Variants in ARAP1 observed in about 807,000 individuals in gnomAD.
ARAP1 encodes the protein ArfGAP with RhoGAP domain, ankyrin repeat and PH domain 1.
ARAP1 carries 76 observed loss-of-function variants against 172.2 expected under a neutral mutation model. The ratio of observed to expected loss-of-function variants is 0.44; its 90% CI spans 0.37 to 0.53. The LOEUF (loss-of-function observed/expected upper bound fraction) is 0.53. ARAP1 is among the 20% of genes least tolerant of loss of function. ARAP1 has a pLI of 0.00. For synonymous variants in ARAP1, 804 were observed against 803.3 expected, an observed-to-expected ratio of 1.00 and a Z score of -0.01; for missense variants, 1,686 against 1,977.5, an observed-to-expected ratio of 0.85 and a Z score of 2.80.
Position 72,693,582 on chromosome 11 carries a change from C to T in ARAP1, c.3808+110G>A. On this transcript the variant is annotated intron_variant, in intron 28 of 34. Coordinates refer to ENST00000393609, the MANE Select transcript of ARAP1 (RefSeq NM_001040118.3). This position sits in a 1 kb window ranked among gnomAD's most constrained non-coding sequence, Gnocchi z 4.6. Reference sequence around the variant, plus strand: ...CCCCAGCCTCTCCATAGAGGCCCACCCACTTGGCGCCCTCTGTCTGAGCTG... The same window carrying T: ...CCCCAGCCTCTCCATAGAGGCCCACTCACTTGGCGCCCTCTGTCTGAGCTG... 6.5e-7 allele frequency: 1 copy of T among 1,530,742 alleles called. No homozygotes were observed. Among genetic ancestry groups the T allele is most frequent in the Non-Finnish European group, 8.8e-7 (1 of 1,132,606 alleles). 94.8% of individuals were successfully genotyped at this position (1,530,742 alleles called of 1,614,324 possible).
At chr11:72,731,812 A>C (rs1202250434) in intron 2 of ARAP1, among the ~76,000 whole-genome samples, 3 of 152,186 alleles carry the variant, frequency 2.0e-5, no homozygotes, top group African/African-American at 7.2e-5. Context: ...CAACATATAA[A>C]GATGTCAGTT....
intron 1 of ARAP1, among the ~76,000 whole-genome samples, chr11:72,739,443 G>C (rs1858136622): frequency 6.6e-6 from 1 of 152,118 alleles, no homozygotes; most frequent in Admixed American, 6.5e-5. Flanking sequence ...GGAATGAAGA[G>C]CTGCCTCAGC....
intron 30 of ARAP1, among the ~76,000 whole-genome samples, chr11:72,690,225 C>G (rs1205362068): frequency 6.6e-6 from 1 of 152,112 alleles, no homozygotes; most frequent in Non-Finnish European, 1.5e-5. Flanking sequence ...CCCAGTCAGG[C>G]GCAGAGGCAA....
rs1857644514 is a variant in ARAP1, at chr11:72,725,060, G to A, written c.509+1560C>T. The stretch of plus-strand genomic sequence containing the variant: ...TGGAGGACCACAGAGGGCACCTGAT[G>A]GGGAAACAGGCCCAGAGAAGCAGGT... On this transcript the variant is annotated intron_variant, in intron 3 of 34. Coordinates refer to ENST00000393609, the MANE Select transcript of ARAP1 (RefSeq NM_001040118.3). This position sits in a 1 kb window ranked among gnomAD's most constrained non-coding sequence, Gnocchi z 4.3. 6.6e-6 allele frequency among the ~76,000 whole-genome samples: 1 copy of A among 152,140 alleles called. No homozygotes were observed. Among genetic ancestry groups the A allele is most frequent in the South Asian group, 2.1e-4 (1 of 4,830 alleles).
Position 72,714,151 on chromosome 11 carries a change from C to A in ARAP1, c.679+1G>T. On this transcript the variant is annotated splice_donor_variant, in intron 4 of 34. Coordinates refer to ENST00000393609, the MANE Select transcript of ARAP1 (RefSeq NM_001040118.3). LOFTEE classifies it high-confidence loss of function. ...CCCCATCTCCTGGCTGCAGCACTCA[C>A]CGAACTCTGGGAACAGGCGTACCGG... The A allele has an allele frequency of 6.8e-7, 1 of 1,478,944 alleles. No individual in the cohort carries two copies. The highest frequency in any genetic ancestry group is 8.9e-7 in the Non-Finnish European group (1 of 1,120,276). 91.6% of individuals were successfully genotyped at this position (1,478,944 alleles called of 1,614,324 possible).
In ARAP1 at chr11:72,686,055, G is replaced by T; in HGVS notation, c.4322C>A (p.Ala1441Glu). The T allele has an allele frequency of 1.2e-6, 2 of 1,614,066 alleles. No individual in the cohort carries two copies. The highest frequency in any genetic ancestry group is 1.7e-6 in the Non-Finnish European group (2 of 1,180,038). Residue 1441 changes from alanine to glutamate, a missense_variant, in exon 34 of 35, where the codon GCG (alanine) becomes GAG (glutamate). By Grantham distance (107) the Ala-to-Glu change is moderately radical. Coordinates refer to ENST00000393609, the MANE Select transcript of ARAP1 (RefSeq NM_001040118.3). ...AGAGCCACTCACAGACAGAGGGTCC[G>T]CGGTGAAGGCAGCCACACTCCGGCG... is the stretch of plus-strand genomic sequence containing the variant. ...EMRRSVAAFT[A>E]DPLSLLRNV
rs145029201 is a variant in ARAP1, at chr11:72,739,755, T to C, written c.-127-7158A>G. 2.8e-3 allele frequency among the ~76,000 whole-genome samples: 425 copies of C among 152,312 alleles called. 1 individual carries two copies. Among genetic ancestry groups the C allele is most frequent in the Middle Eastern group, 6.8e-3 (2 of 294 alleles). On this transcript the variant is annotated intron_variant, in intron 1 of 34. Transcript: ENST00000393609. ...CCGTCAGGCAGTCACTTCCTGTCCC[T>C]AGCCCTAAGGTCTTGGCTAGTCCTG...
intron 7 of ARAP1, 40 bp downstream of exon 7, chr11:72,712,156 C>T: frequency 1.3e-6 from 2 of 1,529,766 alleles, no homozygotes; most frequent in Non-Finnish European, 1.7e-6. Flanking sequence ...CCCCCACCCC[C>T]CCATGCAGAG....
Position 72,689,139 on chromosome 11 carries a change from A to G in ARAP1, c.3988-602T>C, listed in dbSNP as rs570665726. On this transcript the variant is annotated intron_variant, in intron 30 of 34. Coordinates refer to ENST00000393609, the MANE Select transcript of ARAP1 (RefSeq NM_001040118.3). The stretch of plus-strand genomic sequence containing the variant: ...GCAGAACAGCTGTTCAACAGACCAC[A>G]GGAAGAACTTCCCAATGGTCTAGGT... 5.9e-5 allele frequency among the ~76,000 whole-genome samples: 9 copies of G among 152,346 alleles called. No homozygotes were observed. In the South Asian group the frequency reaches 1.4e-3, roughly 25 times the overall value.
intron 12 of ARAP1, 105 bp from the exon 13 acceptor site, chr11:72,705,995 G>T: frequency 1.7e-6 from 2 of 1,148,480 alleles, no homozygotes; most frequent in Non-Finnish European, 2.5e-6. Flanking sequence ...GAGGCCACAG[G>T]CAGGCCCCAG....
chr11:72,720,017 G>A (rs555346082), intron 3 of ARAP1, among the ~76,000 whole-genome samples: 1 of 152,236 alleles, frequency 6.6e-6, no homozygotes, highest in South Asian at 2.1e-4. Flanking sequence ...ACTCAATATG[G>A]TCATATCAAT....
In ARAP1 at chr11:72,697,064, A is replaced by G; in HGVS notation, c.3085T>C (p.Ser1029Pro). Residue 1029 changes from serine to proline, a missense_variant, in exon 22 of 35, where the codon TCG (serine) becomes CCG (proline). By Grantham distance (74) the Ser-to-Pro change is moderately conservative. Around this residue, in one of 5 missense-constraint regions of ARAP1, gnomAD observed 274 missense variants for 262.7 expected, o/e 1.04. Transcript: ENST00000393609. ...TCGCGCAGGAAGCGCTTGAGCGCCG[A>G]GGAAACATCATCCACGTGCTGCTCG... ...EGEQHVDDVS[S>P]ALKRFLRDLP... 3.7e-6 allele frequency: 6 copies of G among 1,610,364 alleles called. No homozygotes were observed. The highest frequency in any genetic ancestry group is 3.4e-6 in the Non-Finnish European group (4 of 1,179,938).
In ARAP1 at chr11:72,695,933, T is replaced by C. The variant is rs1856169088; in HGVS notation, c.3273-68A>G. 6.5e-7 allele frequency: 1 copy of C among 1,534,828 alleles called. No individual in the cohort carries two copies. Among genetic ancestry groups the C allele is most frequent in the Non-Finnish European group, 8.8e-7 (1 of 1,142,488 alleles). ...AGAGCTTCCCATCTCACCCTATTAA[T>C]TTCTGACAGGTCCAAGACTGGTCTG... On this transcript the variant is annotated intron_variant, in intron 23 of 34. Transcript: ENST00000393609. This position sits in a 1 kb window ranked among gnomAD's most constrained non-coding sequence, Gnocchi z 4.4.
chr11:72,693,424 C>G lies in ARAP1; in HGVS notation c.3855G>C (p.Glu1285Asp). ...GGCCCAGGCCCAGGAGGCTGCGGTC[C>G]TCACGGAACTTCATCATGCCATGCT... ...DTKHGMMKFR[E>D]DRSLLGLGLP... The change falls in exon 29 of 35, where the codon GAG becomes GAC. Residue 1285 changes from glutamate (E) to aspartate (D), a missense_variant. By Grantham distance (45) the Glu-to-Asp change is conservative (BLOSUM62 2). Coordinates refer to ENST00000393609, the MANE Select transcript of ARAP1 (RefSeq NM_001040118.3). The surrounding 1 kb of genome is among the most constrained non-coding windows in gnomAD (Gnocchi z 4.6). 6.2e-7 allele frequency: 1 copy of G among 1,613,894 alleles called. No individual in the cohort carries two copies. Among genetic ancestry groups the G allele is most frequent in the Non-Finnish European group, 8.5e-7 (1 of 1,179,822 alleles).
At position 72,695,419 on chromosome 11, in the gene ARAP1, C is replaced by T. The variant is rs1209902628; in HGVS notation, c.3544G>A (p.Glu1182Lys). 1 of 1,614,242 alleles carries T rather than the reference C, an allele frequency of 6.2e-7. No homozygotes were observed. Among genetic ancestry groups the T allele is most frequent in the South Asian group, 1.1e-5 (1 of 91,082 alleles). ...TGCTGCTCAGTCTCTGCCTTCTTCT[C>T]TTCCAGATACACTGTGCAGATGAAG... Reference protein sequence around the residue: ...GDFICTVYLEEKKAETEQHIK... With the variant: ...GDFICTVYLEKKKAETEQHIK... Residue 1182 changes from glutamate to lysine, a missense_variant, in exon 26 of 35, where the codon GAG (glutamate) becomes AAG (lysine). Glu to Lys is a moderately conservative substitution (Grantham distance 56). This residue lies in a region of ARAP1 where 379 missense variants were observed against 500.1 expected (regional missense o/e 0.76). Coordinates refer to ENST00000393609, the MANE Select transcript of ARAP1 (RefSeq NM_001040118.3). The surrounding 1 kb of genome is among the most constrained non-coding windows in gnomAD (Gnocchi z 4.4).
At chr11:72,723,861 CTA>C (rs1857606589) in intron 3 of ARAP1, among the ~76,000 whole-genome samples, 1 of 152,220 alleles carries the variant, frequency 6.6e-6, no homozygotes, top group Non-Finnish European at 1.5e-5. Flanking sequence ...AGCTGCCATC[CTA>C]ATGGGCTCTC....
chr11:72,689,922 A>G (rs867021947), intron 30 of ARAP1, among the ~76,000 whole-genome samples: 1 of 152,356 alleles, frequency 6.6e-6, no homozygotes, highest in Middle Eastern at 3.4e-3. Context: ...AGGCACACAC[A>G]GAAGAAGCAA....
chr11:72,695,056 G>A lies in ARAP1; in HGVS notation c.3618C>T (p.Ile1206=), dbSNP rs189745190. ...SMTAEELTLE[I]LDRRNVGIRE... ...TGATGCCCACGTTCCGGCGATCCAGGATCTCCAGGGTGAGCTCCTCAGCAG... is the reference window on the plus strand; with the variant it reads ...TGATGCCCACGTTCCGGCGATCCAGAATCTCCAGGGTGAGCTCCTCAGCAG... Residue 1206 remains isoleucine (I), a synonymous_variant, in exon 27 of 35, where the codon ATC becomes ATT. Coordinates refer to ENST00000393609, the MANE Select transcript of ARAP1 (RefSeq NM_001040118.3). The surrounding 1 kb of genome is among the most constrained non-coding windows in gnomAD (Gnocchi z 4.4). The A allele has an allele frequency of 3.4e-5, 55 of 1,614,118 alleles. 1 individual carries two copies. The Admixed American group carries it at 9.0e-4, about 26-fold the overall frequency.
rs1243278556 is a variant in ARAP1, at chr11:72,741,786, G to A, written c.-127-9189C>T. Among the ~76,000 whole-genome samples the A allele has an allele frequency of 1.3e-5, 2 of 152,108 alleles. No individual in the cohort carries two copies. The highest frequency in any genetic ancestry group is 4.8e-5 in the African/African-American group (2 of 41,416). ...CAGACCCTCACCACGTGCCCTGGGG[G>A]CCGAGGGCCAGCACCCACCCTGCCC... On this transcript the variant is annotated intron_variant, in intron 1 of 34. Transcript: ENST00000393609. The surrounding 1 kb of genome is among the most constrained non-coding windows in gnomAD (Gnocchi z 4.5).
Sources: gnomAD v4.1 joint callset for allele counts (sites outside exome capture counted in the v4.1 genomes callset) on GRCh38, gnomAD v4.1.1 for gene constraint, gnomAD v4.1.1 regional missense constraint, Gnocchi (gnomAD v3.1) non-coding constraint, MANE v1.5 for transcripts, NCBI Gene and HGNC (gene_info 2026-07-23, HGNC 2026-07-21) for gene names.